The following PCDHGB6 variants were observed in gnomAD, a reference collection of about 807,000 sequenced individuals.
PCDHGB6 encodes protocadherin gamma subfamily B, 6.
In PCDHGB6, 51 loss-of-function variants were observed where a neutral mutation model predicts 59.1. That is an observed-to-expected ratio of 0.86 (90% CI 0.69 to 1.09). PCDHGB6 has a LOEUF of 1.09. Among genes scored for constraint, PCDHGB6 ranks in the 50% least tolerant of loss-of-function variants. PCDHGB6 has a pLI of 0.00. For synonymous variants in PCDHGB6, 466 were observed against 495.1 expected, an observed-to-expected ratio of 0.94 and a Z score of 0.78; for missense variants, 1,148 against 1,205.1, an observed-to-expected ratio of 0.95 and a Z score of 0.70.
At position 141,477,100 on chromosome 5, in the gene PCDHGB6, C is replaced by A. The variant is rs970613825; in HGVS notation, c.2419-17707C>A. On this transcript the variant is annotated intron_variant, in intron 1 of 3. Transcript: ENST00000520790. This position sits in a 1 kb window ranked among gnomAD's most constrained non-coding sequence, Gnocchi z 4.9. ...TTTACATCCAGGCCAAAGACAAGGGCGCCAATCCCGAAGGAGCACATTGCA... is the reference window on the plus strand; with the variant it reads ...TTTACATCCAGGCCAAAGACAAGGGAGCCAATCCCGAAGGAGCACATTGCA... 1 of 1,614,216 alleles carries A rather than the reference C, an allele frequency of 6.2e-7. No homozygotes were observed. Among genetic ancestry groups the A allele is most frequent in the Non-Finnish European group, 8.5e-7 (1 of 1,180,040 alleles).
chr5:141,508,867 G>A (rs2099872497), intron 3 of PCDHGB6, among the ~76,000 whole-genome samples: 1 of 152,108 alleles, frequency 6.6e-6, no homozygotes. Flanking sequence ...GGGAAAGGCT[G>A]AAGAGGCTGA....
rs377547144 is a variant in PCDHGB6 at position 141,409,030 on chromosome 5, G to C, written c.828G>C (p.Glu276Asp). The C allele has an allele frequency of 1.2e-6, 2 of 1,614,010 alleles. No homozygotes were observed. Among genetic ancestry groups the C allele is most frequent in the South Asian group, 2.2e-5 (2 of 91,082 alleles). Reference sequence around the variant, plus strand: ...ACCAGGATGAGGGGGTCAATGCTGAGATAAACTACTACTTCCGAAGCACTG... The same window carrying C: ...ACCAGGATGAGGGGGTCAATGCTGACATAAACTACTACTTCCGAAGCACTG... ...ATDQDEGVNAEINYYFRSTAQ... is the reference protein window; with the variant it reads ...ATDQDEGVNADINYYFRSTAQ... The change falls in exon 1 of 4, where the codon GAG becomes GAC. Residue 276 changes from glutamate (E) to aspartate (D), a missense_variant. Glu to Asp is a conservative substitution (Grantham distance 45). Coordinates refer to ENST00000520790, the MANE Select transcript of PCDHGB6 (RefSeq NM_018926.3).
intron 1 of PCDHGB6, among the ~76,000 whole-genome samples, chr5:141,451,717 A>G (rs2098722445): frequency 6.6e-6 from 1 of 152,166 alleles, no homozygotes; most frequent in Non-Finnish European, 1.5e-5. Context: ...CCCTGCCTCT[A>G]CTAAAAATAC....
intron 1 of PCDHGB6, among the ~76,000 whole-genome samples, chr5:141,463,099 A>G (rs1445730117): frequency 1.4e-4 from 21 of 152,204 alleles, no homozygotes; most frequent in Admixed American, 1.4e-3. Context: ...CTATGTGACC[A>G]TCAAGAATTC....
chr5:141,439,368 A>C (rs1346879772), intron 1 of PCDHGB6, among the ~76,000 whole-genome samples: 1 of 152,192 alleles, frequency 6.6e-6, no homozygotes, highest in East Asian at 1.9e-4. Flanking sequence ...CATCAAGAAG[A>C]AATAAAAATA....
At chr5:141,465,714 C>T (rs1015102102) in intron 1 of PCDHGB6, among the ~76,000 whole-genome samples, 4 of 152,200 alleles carry the variant, frequency 2.6e-5, no homozygotes, top group Non-Finnish European at 5.9e-5. Context: ...AATGCCACCA[C>T]TTCCACCTCT....
intron 1 of PCDHGB6, chr5:141,422,129 A>T: frequency 6.3e-7 from 1 of 1,599,702 alleles, no homozygotes; most frequent in East Asian, 2.2e-5. Flanking sequence ...CAAACTGGAG[A>T]AGTTCAAGTA....
At chr5:141,502,866 C>CTTT (rs549047197) in intron 2 of PCDHGB6, among the ~76,000 whole-genome samples, 3 of 128,046 alleles carry the variant, frequency 2.3e-5, no homozygotes, top group African/African-American at 9.3e-5. Context: ...GACTCTCTGT[C>CTTT]TTTTTTTTTT....
chr5:141,430,108 G>A (rs572634913), intron 1 of PCDHGB6, among the ~76,000 whole-genome samples: 1 of 152,190 alleles, frequency 6.6e-6, no homozygotes, highest in South Asian at 2.1e-4. Context: ...AGCGTTACAT[G>A]TCAACAACCT....
intron 3 of PCDHGB6, among the ~76,000 whole-genome samples, chr5:141,508,761 C>G (rs943236216): frequency 6.6e-6 from 1 of 151,974 alleles, no homozygotes; most frequent in Admixed American, 6.6e-5. Context: ...TCTGGCGCCT[C>G]TGAGGTCCCC....
Position 141,423,884 on chromosome 5 carries a change from T to C in PCDHGB6, c.2418+13264T>C, listed in dbSNP as rs1253750785. On this transcript the variant is annotated intron_variant, in intron 1 of 3. Transcript: ENST00000520790. ...TGAAAGTCATTTTTCAATCTTGGCA[T>C]ATTTTCTTTTGATTTCAAAGGGGCC... The C allele has an allele frequency of 6.2e-6, 8 of 1,282,566 alleles. No individual in the cohort carries two copies. In the African/African-American group the frequency reaches 1.2e-4, roughly 20 times the overall value. 79.4% of individuals were successfully genotyped at this position (1,282,566 alleles called of 1,614,324 possible). A position where few individuals can be genotyped will look rare whatever the true frequency, so the allele number is the denominator to read the frequency against.
At chr5:141,415,315 G>A (rs201784236) in intron 1 of PCDHGB6, 2 of 1,614,220 alleles carry the variant, frequency 1.2e-6, no homozygotes, top group Middle Eastern at 1.6e-4. Context: ...CTTCGTCATC[G>A]TGCTGCTGGC....
chr5:141,479,435 G>C (rs2099495981), intron 1 of PCDHGB6: 1 of 152,218 alleles, frequency 6.6e-6, no homozygotes, highest in Non-Finnish European at 1.5e-5. Context: ...TCAATCCACT[G>C]TCTGCACTAA....
intron 1 of PCDHGB6, among the ~76,000 whole-genome samples, chr5:141,471,014 G>A (rs2099246573): frequency 6.7e-6 from 1 of 148,628 alleles, no homozygotes; most frequent in Non-Finnish European, 1.5e-5. Context: ...ACTGTGCCTG[G>A]TCAATCATTT....
intron 2 of PCDHGB6, among the ~76,000 whole-genome samples, chr5:141,504,288 G>GT (rs1175142876): frequency 6.6e-6 from 1 of 152,124 alleles, no homozygotes; most frequent in African/African-American, 2.4e-5. Context: ...ATCATTTCAT[G>GT]TTTTTTCAAC....
chr5:141,475,381 T>G (rs1182018899), intron 1 of PCDHGB6, among the ~76,000 whole-genome samples: 3 of 152,226 alleles, frequency 2.0e-5, no homozygotes, highest in Non-Finnish European at 4.4e-5. Flanking sequence ...ACTTTTAAAT[T>G]TTATAAGCCA....
chr5:141,485,358 G>A lies in PCDHGB6; in HGVS notation c.2419-9449G>A, dbSNP rs372994272. The A allele has an allele frequency of 1.2e-6, 2 of 1,614,100 alleles. No homozygotes were observed. Among genetic ancestry groups the A allele is most frequent in the Admixed American group, 3.3e-5 (2 of 60,002 alleles). ...CTGGATACGGACAGTCTGTCAGCTC[G>A]CAGGCTGCAGGTCGCTGGAGAGGTG... is the stretch of plus-strand genomic sequence containing the variant. On this transcript the variant is annotated intron_variant, in intron 1 of 3. Transcript: ENST00000520790. This position sits in a 1 kb window ranked among gnomAD's most constrained non-coding sequence, Gnocchi z 5.7.
In PCDHGB6 at chr5:141,410,511, G is replaced by C. The variant is rs755576652; in HGVS notation, c.2309G>C (p.Ser770Thr). 6.2e-7 allele frequency: 1 copy of C among 1,613,824 alleles called. No homozygotes were observed. Among genetic ancestry groups the C allele is most frequent in the Non-Finnish European group, 8.5e-7 (1 of 1,179,894 alleles). The change falls in exon 1 of 4, where the codon AGT becomes ACT. Residue 770 changes from serine to threonine, a missense_variant. Transcript: ENST00000520790. Reference sequence around the variant, plus strand: ...AAAGAGTTTAATTTCCTAAAATGCAGTGTGCCCCTACATTCCAATGAAGAC... The same window carrying C: ...AAAGAGTTTAATTTCCTAAAATGCACTGTGCCCCTACATTCCAATGAAGAC... ...GTKEFNFLKC[S>T]VPLHSNEDMV...
intron 3 of PCDHGB6, among the ~76,000 whole-genome samples, chr5:141,507,645 G>A (rs565235954): frequency 6.6e-6 from 1 of 152,382 alleles, no homozygotes; most frequent in South Asian, 2.1e-4. Flanking sequence ...CTGAGGCCAG[G>A]AAGCAGCTTT....
Sources: allele counts gnomAD v4.1 joint callset (sites outside exome capture counted in the v4.1 genomes callset), GRCh38; gene constraint gnomAD v4.1.1; non-coding constraint Gnocchi (gnomAD v3.1); transcripts MANE v1.5; gene names NCBI Gene and HGNC (gene_info 2026-07-23, HGNC 2026-07-21).